AGPAT4: variants seen among roughly 807,000 people sequenced by gnomAD.
AGPAT4 encodes the protein 1-acyl-sn-glycerol-3-phosphate acyltransferase delta.
In AGPAT4, 15 loss-of-function variants were observed where a neutral mutation model predicts 48.0. The ratio of observed to expected loss-of-function variants is 0.31; its 90% CI spans 0.21 to 0.48. The LOEUF is 0.48. Ranked by LOEUF, AGPAT4 falls within the 20% of genes least tolerant of loss-of-function variation. The pLI is 0.99. For synonymous variants in AGPAT4, 178 were observed against 198.7 expected, an observed-to-expected ratio of 0.90 and a Z score of 0.88; for missense variants, 314 against 482.5, an observed-to-expected ratio of 0.65 and a Z score of 3.27.
intron 2 of AGPAT4, among the ~76,000 whole-genome samples, chr6:161,186,895 A>G (rs1780784679): frequency 6.6e-6 from 1 of 152,110 alleles, no homozygotes; most frequent in African/African-American, 2.4e-5. Context: ...CTGTTTTCCA[A>G]GTTTCAGTTC....
At position 161,133,031 on chromosome 6, in the gene AGPAT4, T is replaced by C. The variant is rs1326470016; in HGVS notation, c.*3509A>G. On this transcript the variant is annotated 3_prime_UTR_variant, in exon 9 of 9. Coordinates refer to ENST00000320285, the MANE Select transcript of AGPAT4 (RefSeq NM_020133.3). ...CTCACTTTATCTTTAACCTAGTATG[T>C]GGCAAGTCTGGACCACTGCTTTAGA... 2 of 152,274 alleles carry C rather than the reference T, an allele frequency of 1.3e-5. No homozygotes were observed. The highest frequency in any genetic ancestry group is 4.8e-5 in the African/African-American group (2 of 41,470). 9.4% of individuals were successfully genotyped at this position (152,274 alleles called of 1,614,324 possible).
chr6:161,210,279 A>G (rs1781487948), intron 2 of AGPAT4, among the ~76,000 whole-genome samples: 1 of 152,192 alleles, frequency 6.6e-6, no homozygotes, highest in Non-Finnish European at 1.5e-5. Context: ...GTACTTTATA[A>G]TGTAAATTTT....
chr6:161,174,260 T>G (rs1045391430), intron 2 of AGPAT4, among the ~76,000 whole-genome samples: 49 of 152,172 alleles, frequency 3.2e-4, no homozygotes, highest in African/African-American at 8.4e-4. Flanking sequence ...TCACGATATT[T>G]ATTCTTCCTA....
In AGPAT4 at chr6:161,146,322, G is replaced by A. The variant is rs536238757; in HGVS notation, c.843+202C>T. On this transcript the variant is annotated intron_variant, in intron 7 of 8. Transcript: ENST00000320285. The surrounding 1 kb of genome is among the most constrained non-coding windows in gnomAD (Gnocchi z 7.1). ...CTTGGTCCACTACACCTAGAGAATA[G>A]CTTCATTGTGTGTGTGTGAACCCTC... Among the ~76,000 whole-genome samples the A allele has an allele frequency of 6.7e-6, 1 of 148,456 alleles. No individual in the cohort carries two copies. Among genetic ancestry groups the A allele is most frequent in the East Asian group, 1.9e-4 (1 of 5,182 alleles).
Position 161,159,049 on chromosome 6 carries a change from C to G in AGPAT4, c.349-4739G>C, listed in dbSNP as rs1323401976. Reference sequence around the variant, plus strand: ...GGTATCTTAAGTGGAACTTCAAAAACAGGTGAGATGTTCCTTAACAATAAA... The same window carrying G: ...GGTATCTTAAGTGGAACTTCAAAAAGAGGTGAGATGTTCCTTAACAATAAA... On this transcript the variant is annotated intron_variant, in intron 3 of 8. Coordinates refer to ENST00000320285, the MANE Select transcript of AGPAT4 (RefSeq NM_020133.3). This position sits in a 1 kb window ranked among gnomAD's most constrained non-coding sequence, Gnocchi z 4.1. 6.6e-6 allele frequency among the ~76,000 whole-genome samples: 1 copy of G among 152,206 alleles called. No homozygotes were observed. The highest frequency in any genetic ancestry group is 1.5e-5 in the Non-Finnish European group (1 of 68,032).
Position 161,140,181 on chromosome 6 carries a change from C to T in AGPAT4, c.844-561G>A, listed in dbSNP as rs951135431. ...TACCACCCTGTTTGCCACTGGAGGG[C>T]TCTGAGGGCCGTGATTCAAGGCATC... On this transcript the variant is annotated intron_variant, in intron 7 of 8. Transcript: ENST00000320285. This position sits in a 1 kb window ranked among gnomAD's most constrained non-coding sequence, Gnocchi z 6.5. 6.6e-6 allele frequency among the ~76,000 whole-genome samples: 1 copy of T among 152,210 alleles called. No homozygotes were observed. Among genetic ancestry groups the T allele is most frequent in the African/African-American group, 2.4e-5 (1 of 41,464 alleles).
Position 161,136,230 on chromosome 6 carries a change from C to T in AGPAT4, c.*310G>A, listed in dbSNP as rs1779061028. The stretch of plus-strand genomic sequence containing the variant: ...TTGTCCCCTTCGGTCCCCAGCCCTG[C>T]CCTCCCCTGCAGCCTAAAATACCCT... On this transcript the variant is annotated 3_prime_UTR_variant, in exon 9 of 9. Coordinates refer to ENST00000320285, the MANE Select transcript of AGPAT4 (RefSeq NM_020133.3). 2 of 328,992 alleles carry T rather than the reference C, an allele frequency of 6.1e-6. No individual in the cohort carries two copies. The highest frequency in any genetic ancestry group is 1.1e-5 in the Non-Finnish European group (2 of 176,366). The allele number at this position is 328,992 out of a possible 1,614,324, so 20.4% of individuals were successfully genotyped here.
intron 1 of AGPAT4, among the ~76,000 whole-genome samples, chr6:161,257,279 C>A (rs141110466): frequency 6.6e-6 from 1 of 152,180 alleles, no homozygotes. Flanking sequence ...ATGCATGCCA[C>A]GGGTGGATCT....
chr6:161,267,123 C>G lies in AGPAT4; in HGVS notation c.-90+6815G>C, dbSNP rs757648739. Among the ~76,000 whole-genome samples, 2 of 152,172 alleles carry G rather than the reference C, an allele frequency of 1.3e-5. No individual in the cohort carries two copies. The highest frequency in any genetic ancestry group is 2.9e-5 in the Non-Finnish European group (2 of 68,024). Reference sequence around the variant, plus strand: ...AGCAGCTGCTCAGTCAAGTTCAATCCTGGGTTACACATTGGTTTTGAGAAG... The same window carrying G: ...AGCAGCTGCTCAGTCAAGTTCAATCGTGGGTTACACATTGGTTTTGAGAAG... On this transcript the variant is annotated intron_variant, in intron 1 of 8. Coordinates refer to ENST00000320285, the MANE Select transcript of AGPAT4 (RefSeq NM_020133.3). This position sits in a 1 kb window ranked among gnomAD's most constrained non-coding sequence, Gnocchi z 5.2.
chr6:161,252,926 GTA>G (rs2115054442), intron 1 of AGPAT4, among the ~76,000 whole-genome samples: 1 of 152,196 alleles, frequency 6.6e-6, no homozygotes, highest in East Asian at 2.0e-4. Context: ...CTACAAAAAT[GTA>G]TATGAGTCTG....
rs955115154 is a variant in AGPAT4, at chr6:161,219,222, G to T, written c.178+12814C>A. Among the ~76,000 whole-genome samples the T allele has an allele frequency of 6.6e-5, 10 of 151,818 alleles. No homozygotes were observed. Among genetic ancestry groups the T allele is most frequent in the African/African-American group, 2.2e-4 (9 of 41,330 alleles). ...GAAACCAAAACCCATAGCTAAGGCA[G>T]TGGTCTTTCAATGTTTTTGATTCCT... On this transcript the variant is annotated intron_variant, in intron 2 of 8. Transcript: ENST00000320285. This position sits in a 1 kb window ranked among gnomAD's most constrained non-coding sequence, Gnocchi z 4.9.
At chr6:161,263,533 G>C (rs1020132871) in intron 1 of AGPAT4, among the ~76,000 whole-genome samples, 2 of 152,116 alleles carry the variant, frequency 1.3e-5, no homozygotes. Context: ...TCAGCCATTG[G>C]GGAAGACAGA....
rs1364998236 is a variant in AGPAT4, at chr6:161,220,025, G to A, written c.178+12011C>T. On this transcript the variant is annotated intron_variant, in intron 2 of 8. Transcript: ENST00000320285. The surrounding 1 kb of genome is among the most constrained non-coding windows in gnomAD (Gnocchi z 6.0). ...TGGATTATTACTCAAAATACACAAG[G>A]CTTGCTATCACAGTTACATTATTCC... 1.3e-5 allele frequency among the ~76,000 whole-genome samples: 2 copies of A among 151,950 alleles called. No individual in the cohort carries two copies. The highest frequency in any genetic ancestry group is 4.8e-5 in the African/African-American group (2 of 41,336).
Position 161,189,949 on chromosome 6 carries a change from A to G in AGPAT4, c.179-23532T>C, listed in dbSNP as rs187176099. 6.6e-6 allele frequency among the ~76,000 whole-genome samples: 1 copy of G among 152,328 alleles called. No individual in the cohort carries two copies. Among genetic ancestry groups the G allele is most frequent in the Admixed American group, 6.5e-5 (1 of 15,304 alleles). ...ACTATTGATGGCATCCCTTAGTTTA[A>G]TTGGAGCATTTCTTTTCCTTTCTTA... On this transcript the variant is annotated intron_variant, in intron 2 of 8. Coordinates refer to ENST00000320285, the MANE Select transcript of AGPAT4 (RefSeq NM_020133.3). This position sits in a 1 kb window ranked among gnomAD's most constrained non-coding sequence, Gnocchi z 5.3.
chr6:161,133,824 AG>A lies in AGPAT4; in HGVS notation c.*2715del, dbSNP rs1457748984. 6.6e-6 allele frequency: 1 copy of A among 152,202 alleles called. No homozygotes were observed. The highest frequency in any genetic ancestry group is 1.5e-5 in the Non-Finnish European group (1 of 68,044). The allele number at this position is 152,202 out of a possible 1,614,324, so 9.4% of individuals were successfully genotyped here. A position where few individuals can be genotyped will look rare whatever the true frequency, so the allele number is the denominator to read the frequency against. On this transcript the variant is annotated 3_prime_UTR_variant, in exon 9 of 9. Transcript: ENST00000320285. ...AGATGGAAAGGTGGGAAAGACAGACAGGAAGTGTAGCTCTTAGTCTATGGGG... is the reference window on the plus strand; with the variant it reads ...AGATGGAAAGGTGGGAAAGACAGACAGAAGTGTAGCTCTTAGTCTATGGGG...
At position 161,180,249 on chromosome 6, in the gene AGPAT4, C is replaced by CT. The variant is rs1226694603; in HGVS notation, c.179-13833dup. 2.0e-5 allele frequency among the ~76,000 whole-genome samples: 3 copies of CT among 152,192 alleles called. No individual in the cohort carries two copies. The highest frequency in any genetic ancestry group is 4.4e-5 in the Non-Finnish European group (3 of 68,034). On this transcript the variant is annotated intron_variant, in intron 2 of 8. Transcript: ENST00000320285. The surrounding 1 kb of genome is among the most constrained non-coding windows in gnomAD (Gnocchi z 6.4). The stretch of plus-strand genomic sequence containing the variant: ...CCACCATTCCCCAAGGCTCCTGCTC[C>CT]TTCCTCGCTCCAGTGGGTGGGCCCA...
rs1288259187 is a variant in AGPAT4 at position 161,161,298 on chromosome 6, G to A, written c.348+4950C>T. 1.3e-5 allele frequency: 6 copies of A among 456,582 alleles called. No individual in the cohort carries two copies. The highest frequency in any genetic ancestry group is 2.6e-5 in the Non-Finnish European group (6 of 226,964). The allele number at this position is 456,582 out of a possible 1,614,324, so 28.3% of individuals were successfully genotyped here. On this transcript the variant is annotated intron_variant, in intron 3 of 8. Transcript: ENST00000320285. The surrounding 1 kb of genome is among the most constrained non-coding windows in gnomAD (Gnocchi z 4.6). ...CCAGGATGGTAGTCGGTATGAACCCGCGGTGCAGCCATAGTCCCGTGAGCT... is the reference window on the plus strand; with the variant it reads ...CCAGGATGGTAGTCGGTATGAACCCACGGTGCAGCCATAGTCCCGTGAGCT...
intron 2 of AGPAT4, among the ~76,000 whole-genome samples, chr6:161,170,455 G>A (rs929070288): frequency 7.3e-6 from 1 of 137,492 alleles, no homozygotes; most frequent in Non-Finnish European, 1.5e-5. Flanking sequence ...ACACATGCGC[G>A]TGCACACGTG....
At chr6:161,173,648 A>T (rs1451982404) in intron 2 of AGPAT4, among the ~76,000 whole-genome samples, 1 of 152,192 alleles carries the variant, frequency 6.6e-6, no homozygotes, top group Non-Finnish European at 1.5e-5. Context: ...TCTTCAGTTT[A>T]ATCAGATCCC....
Sources: allele counts gnomAD v4.1 joint callset (sites outside exome capture counted in the v4.1 genomes callset), GRCh38; gene constraint gnomAD v4.1.1; non-coding constraint Gnocchi (gnomAD v3.1); transcripts MANE v1.5; gene names NCBI Gene and HGNC (gene_info 2026-07-23, HGNC 2026-07-21).